Variants in GRPEL1 observed in about 807,000 individuals in gnomAD.
GRPEL1 encodes grpE protein homolog 1, mitochondrial.
Under a neutral mutation model 22.1 loss-of-function variants are expected in GRPEL1, and 13 were observed. That is an observed-to-expected ratio of 0.59 (90% confidence interval 0.38 to 0.94). GRPEL1 has a LOEUF of 0.94. Ranked by LOEUF, GRPEL1 falls within the 40% of genes least tolerant of loss-of-function variation. GRPEL1 has a pLI of 0.00. For missense variants in GRPEL1, 289 were observed against 264.6 expected (o/e 1.09, Z -0.64); for synonymous variants, 109 against 105.3 (o/e 1.03, Z -0.21).
At chr4:7,065,468 C>T (rs138780414) in intron 1 of GRPEL1, among the ~76,000 whole-genome samples, 38 of 150,700 alleles carry the variant, frequency 2.5e-4, no homozygotes, top group African/African-American at 9.3e-4. Flanking sequence ...GAGCTGAGAT[C>T]GCGCCACTGC....
At chr4:7,063,832 A>C (rs1208051831) in intron 2 of GRPEL1, among the ~76,000 whole-genome samples, 1 of 152,244 alleles carries the variant, frequency 6.6e-6, no homozygotes, top group Non-Finnish European at 1.5e-5. Context: ...TCATTCAATG[A>C]CAAATAACAG....
chr4:7,067,271 A>AG (rs34401143), intron 1 of GRPEL1, among the ~76,000 whole-genome samples: 33 of 151,736 alleles, frequency 2.2e-4, no homozygotes, highest in South Asian at 1.5e-3. Flanking sequence ...AAAAAAAAAA[A>AG]GGGGCACTGT....
In GRPEL1 at chr4:7,061,227, G is replaced by C. The variant is rs754003152; in HGVS notation, c.308-19C>G. ...TGAATGCCTGGATGAAGTTAAAGAA[G>C]ATCATTTGCACTCCATACCAACCGC... is the stretch of plus-strand genomic sequence containing the variant. On this transcript the variant is annotated intron_variant, in intron 3 of 3. Coordinates refer to ENST00000264954, the MANE Select transcript of GRPEL1 (RefSeq NM_025196.4). 3.1e-6 allele frequency: 5 copies of C among 1,587,742 alleles called. No homozygotes were observed. Among genetic ancestry groups the C allele is most frequent in the South Asian group, 1.2e-5 (1 of 86,876 alleles).
chr4:7,066,609 G>T (rs1724175156), intron 1 of GRPEL1, among the ~76,000 whole-genome samples: 1 of 152,238 alleles, frequency 6.6e-6, no homozygotes, highest in Non-Finnish European at 1.5e-5. Context: ...AAAACTGAGT[G>T]TACTGTTGTG....
rs200722328 is a variant in GRPEL1, at chr4:7,062,399, T to C, written c.293A>G (p.Glu98Gly). ...GTTGAAAGTACCGTATAATTTTGCC[T>C]CCTCCACCAATTTCTGGCTCCTCTG... ...LRQRSQKLVE[E>G]AKLYGIQAFC... Residue 98 changes from glutamate to glycine, a missense_variant, in exon 3 of 4, where the codon GAG becomes GGG. By Grantham distance (98) the Glu-to-Gly change is moderately conservative. Transcript: ENST00000264954. 6.3e-7 allele frequency: 1 copy of C among 1,580,980 alleles called. No individual in the cohort carries two copies. The highest frequency in any genetic ancestry group is 8.7e-7 in the Non-Finnish European group (1 of 1,153,936).
Position 7,060,678 on chromosome 4 carries a change from C to T in GRPEL1, c.*184G>A, listed in dbSNP as rs1425256978. On this transcript the variant is annotated 3_prime_UTR_variant, in exon 4 of 4. Transcript: ENST00000264954. ...TTCAACGCGTGGCACTAAAAGGGAACAGACTCCCGAATTAGAGTTCATTAA... is the reference window on the plus strand; with the variant it reads ...TTCAACGCGTGGCACTAAAAGGGAATAGACTCCCGAATTAGAGTTCATTAA... 3.2e-6 allele frequency: 2 copies of T among 629,170 alleles called. No individual in the cohort carries two copies. Among genetic ancestry groups the T allele is most frequent in the South Asian group, 1.9e-5 (1 of 52,200 alleles). The allele number at this position is 629,170 out of a possible 1,614,324, so 39.0% of individuals were successfully genotyped here. A position where few individuals can be genotyped will look rare whatever the true frequency, so the allele number is the denominator to read the frequency against.
Position 7,064,059 on chromosome 4 carries a change from A to G in GRPEL1, c.225+2T>C, listed in dbSNP as rs1443928274. Reference sequence around the variant, plus strand: ...CCCCCACAGGAGCCTCACAGTCCTCACCACAGTCTCCTTCAGCTGTTCCTC... The same window carrying G: ...CCCCCACAGGAGCCTCACAGTCCTCGCCACAGTCTCCTTCAGCTGTTCCTC... On this transcript the variant is annotated splice_donor_variant, in intron 2 of 3. Coordinates refer to ENST00000264954, the MANE Select transcript of GRPEL1 (RefSeq NM_025196.4). LOFTEE classifies it high-confidence loss of function. 1.2e-6 allele frequency: 2 copies of G among 1,613,718 alleles called. No individual in the cohort carries two copies. The highest frequency in any genetic ancestry group is 8.5e-7 in the Non-Finnish European group (1 of 1,179,776).
intron 1 of GRPEL1, among the ~76,000 whole-genome samples, chr4:7,066,702 T>C (rs111708591): frequency 7.1e-4 from 108 of 152,326 alleles, no homozygotes; most frequent in Non-Finnish European, 1.3e-3. Flanking sequence ...CACAGACCCC[T>C]TTCCGAAGCA....
In GRPEL1 at chr4:7,060,758, TAAGGTTTGGGAA is replaced by T; in HGVS notation, c.*92_*103del. On this transcript the variant is annotated 3_prime_UTR_variant, in exon 4 of 4. Coordinates refer to ENST00000264954, the MANE Select transcript of GRPEL1 (RefSeq NM_025196.4). Reference sequence around the variant, plus strand: ...GCCACTGGTTACTTAAGGTTTCCAATAAGGTTTGGGAAAAGGTCACACGTACTCATAGATGAG... The same window carrying T: ...GCCACTGGTTACTTAAGGTTTCCAATAAGGTCACACGTACTCATAGATGAG... The T allele has an allele frequency of 9.3e-7, 1 of 1,073,184 alleles. No individual in the cohort carries two copies. Among genetic ancestry groups the T allele is most frequent in the Non-Finnish European group, 1.4e-6 (1 of 733,126 alleles). 66.5% of individuals were successfully genotyped at this position (1,073,184 alleles called of 1,614,324 possible).
In GRPEL1 at chr4:7,064,078, G is replaced by C; in HGVS notation, c.208C>G (p.Gln70Glu). The C allele has an allele frequency of 6.2e-7, 1 of 1,614,148 alleles. No homozygotes were observed. The highest frequency in any genetic ancestry group is 8.5e-7 in the Non-Finnish European group (1 of 1,179,996). The change falls in exon 2 of 4, where the codon CAG becomes GAG. Residue 70 changes from glutamine to glutamate, a missense_variant. Transcript: ENST00000264954. Reference protein sequence around the residue: ...LLEEKVKLEEQLKETVEKYKR... With the variant: ...LLEEKVKLEEELKETVEKYKR... ...GTCCTCACCACAGTCTCCTTCAGCT[G>C]TTCCTCCAACTTGACCTTCTCTTCC...
intron 1 of GRPEL1, among the ~76,000 whole-genome samples, chr4:7,065,543 A>G (rs1263210194): frequency 6.6e-6 from 1 of 152,060 alleles, no homozygotes; most frequent in African/African-American, 2.4e-5. Context: ...TTAAAAAAAA[A>G]AAGGGAACTA....
At position 7,061,112 on chromosome 4, in the gene GRPEL1, G is replaced by A. The variant is rs1366352805; in HGVS notation, c.404C>T (p.Pro135Leu). Residue 135 changes from proline to leucine, a missense_variant, in exon 4 of 4, where the codon CCT (proline) becomes CTT (leucine). Pro to Leu is a moderately conservative substitution (Grantham distance 98). Coordinates refer to ENST00000264954, the MANE Select transcript of GRPEL1 (RefSeq NM_025196.4). Reference sequence around the variant, plus strand: ...CCCCTCATAGAGGTTCTTCAGGTGAGGGTTATCGTCTTTAATTTCTTCTTT... The same window carrying A: ...CCCCTCATAGAGGTTCTTCAGGTGAAGGTTATCGTCTTTAATTTCTTCTTT... ...VPKEEIKDDN[P>L]HLKNLYEGLV... The A allele has an allele frequency of 3.1e-6, 5 of 1,614,082 alleles. No homozygotes were observed. The African/African-American group carries it at 6.7e-5, about 22-fold the overall frequency.
At chr4:7,061,491 C>G (rs1225065823) in intron 3 of GRPEL1, 2 of 357,218 alleles carry the variant, frequency 5.6e-6, no homozygotes, top group Non-Finnish European at 1.0e-5. Flanking sequence ...AGATGTCAAG[C>G]AAGCAGTAAG....
intron 1 of GRPEL1, among the ~76,000 whole-genome samples, chr4:7,066,004 C>G (rs1191898561): frequency 6.6e-6 from 1 of 152,158 alleles, no homozygotes. Flanking sequence ...TAGGCGTCCA[C>G]CAACACGCTC....
At chr4:7,067,892 C>T (rs1724213835) in intron 1 of GRPEL1, 79 bp downstream of exon 1, 1 of 1,445,882 alleles carries the variant, frequency 6.9e-7, no homozygotes, top group African/African-American at 1.4e-5. Context: ...GGGAAGGAGG[C>T]CCCGGGGCCG....
At chr4:7,064,301 T>C in intron 1 of GRPEL1, 78 bp from the exon 2 acceptor site, 1 of 1,423,148 alleles carries the variant, frequency 7.0e-7, no homozygotes, top group Non-Finnish European at 9.5e-7. Context: ...CTTTAGAAAC[T>C]TAAAATAGCT....
Position 7,059,844 on chromosome 4 carries a change from C to T in GRPEL1, c.*1018G>A, listed in dbSNP as rs1286614456. On this transcript the variant is annotated 3_prime_UTR_variant, in exon 4 of 4. Coordinates refer to ENST00000264954, the MANE Select transcript of GRPEL1 (RefSeq NM_025196.4). The stretch of plus-strand genomic sequence containing the variant: ...CCCTTGCTGTGGCTCCTGGGTGTTT[C>T]GTATTCTTACCGGACGGGCTGCAGC... 6 of 152,250 alleles carry T rather than the reference C, an allele frequency of 3.9e-5. No individual in the cohort carries two copies. Among genetic ancestry groups the T allele is most frequent in the African/African-American group, 9.6e-5 (4 of 41,464 alleles). 9.4% of individuals were successfully genotyped at this position (152,250 alleles called of 1,614,324 possible). A position where few individuals can be genotyped will look rare whatever the true frequency, so the allele number is the denominator to read the frequency against.
At chr4:7,061,465 T>G in intron 3 of GRPEL1, 1 of 418,582 alleles carries the variant, frequency 2.4e-6, no homozygotes, top group Non-Finnish European at 4.3e-6. Context: ...AAAATACCCT[T>G]GAGACATCCA....
At chr4:7,064,605 G>C (rs3857177) in intron 1 of GRPEL1, among the ~76,000 whole-genome samples, 16 of 151,896 alleles carry the variant, frequency 1.1e-4, no homozygotes, top group African/African-American at 3.9e-4. Flanking sequence ...CCTCCGTCTC[G>C]TGGGTTCAAG....
Sources: allele counts gnomAD v4.1 joint callset (sites outside exome capture counted in the v4.1 genomes callset), GRCh38; gene constraint gnomAD v4.1.1; transcripts MANE v1.5; gene names NCBI Gene and HGNC (gene_info 2026-07-23, HGNC 2026-07-21).